MMUT: variants seen among roughly 807,000 people sequenced by gnomAD.
The protein encoded by MMUT is methylmalonyl-CoA mutase, mitochondrial.
MMUT carries 79 observed loss-of-function variants against 79.9 expected under a neutral mutation model. The observed-to-expected ratio is 0.99, with a 90% CI of 0.82 to 1.19. The LOEUF is 1.19. Ranked by LOEUF, MMUT falls within the 50% of genes most tolerant of loss-of-function variation. The pLI, the probability that MMUT is intolerant of heterozygous loss-of-function variation, is 0.00. For missense variants in MMUT, 860 were observed against 917.2 expected, an observed-to-expected ratio of 0.94 and a Z score of 0.81; for synonymous variants, 273 against 295.7, an observed-to-expected ratio of 0.92 and a Z score of 0.79.
chr6:49,432,637 T>C (rs113140761), intron 12 of MMUT, among the ~76,000 whole-genome samples: 1 of 152,174 alleles, frequency 6.6e-6, no homozygotes, highest in African/African-American at 2.4e-5. Context: ...TCCGCCCACC[T>C]TGGCCTCCCA....
At chr6:49,435,304 C>T (rs1332426693) in intron 12 of MMUT, 152 bp downstream of exon 12, 1 of 786,318 alleles carries the variant, frequency 1.3e-6, no homozygotes, top group East Asian at 2.7e-5. Context: ...CAAAACAACA[C>T]TGTCCACTTT....
chr6:49,452,158 TG>T (rs1767571341), intron 5 of MMUT, among the ~76,000 whole-genome samples: 1 of 152,190 alleles, frequency 6.6e-6, no homozygotes, highest in African/African-American at 2.4e-5. Flanking sequence ...ATCAGAAATT[TG>T]AGTTCTAGTT....
chr6:49,442,200 C>G (rs1288212835), intron 9 of MMUT, among the ~76,000 whole-genome samples: 1 of 151,936 alleles, frequency 6.6e-6, no homozygotes, highest in Non-Finnish European at 1.5e-5. Context: ...ATTTGTCAAC[C>G]AAGAAATGAC....
intron 6 of MMUT, among the ~76,000 whole-genome samples, chr6:49,449,478 G>A (rs1374953739): frequency 6.7e-6 from 1 of 149,266 alleles, no homozygotes; most frequent in East Asian, 2.0e-4. Flanking sequence ...TTCTACGTAA[G>A]TGTAAAATGA....
At chr6:49,432,613 T>A (rs62411929) in intron 12 of MMUT, among the ~76,000 whole-genome samples, 1 of 151,934 alleles carries the variant, frequency 6.6e-6, no homozygotes, top group Non-Finnish European at 1.5e-5. Context: ...GGTCTCAATC[T>A]CCTGACCTCG....
At chr6:49,434,126 C>G (rs1440695724) in intron 12 of MMUT, among the ~76,000 whole-genome samples, 1 of 151,916 alleles carries the variant, frequency 6.6e-6, no homozygotes, top group Admixed American at 6.6e-5. Context: ...ATTTTAATAT[C>G]ATGCCTAGGT....
In MMUT at chr6:49,462,873, G is replaced by C. The variant is rs533546976; in HGVS notation, c.-40+230C>G. On this transcript the variant is annotated intron_variant, in intron 1 of 12. Coordinates refer to ENST00000274813, the MANE Select transcript of MMUT (RefSeq NM_000255.4). ...AAGTATTAAAAGCACCTTCTTTCCA[G>C]AAGTACCTCCGAATTGCCAGGGACT... 2.6e-5 allele frequency among the ~76,000 whole-genome samples: 4 copies of C among 152,294 alleles called. No individual in the cohort carries two copies. In the East Asian group the frequency reaches 7.7e-4, roughly 29 times the overall value.
chr6:49,447,900 T>C, intron 7 of MMUT, 115 bp from the exon 8 acceptor site: 1 of 673,790 alleles, frequency 1.5e-6, no homozygotes, highest in South Asian at 1.7e-5. Context: ...TCTTAATTCT[T>C]AATGCAACTT....
At chr6:49,461,873 A>G (rs541303900) in intron 1 of MMUT, among the ~76,000 whole-genome samples, 3 of 152,294 alleles carry the variant, frequency 2.0e-5, no homozygotes, top group East Asian at 1.9e-4. Context: ...CATCCACTAC[A>G]TTTACTAGCT....
intron 12 of MMUT, 64 bp from the exon 13 acceptor site, chr6:49,431,920 T>C: frequency 1.3e-6 from 2 of 1,553,606 alleles, no homozygotes; most frequent in Non-Finnish European, 1.8e-6. Context: ...AATAAAACCC[T>C]ATCCTTTCTT....
intron 11 of MMUT, among the ~76,000 whole-genome samples, chr6:49,436,760 A>C (rs1228464450): frequency 6.6e-6 from 1 of 152,222 alleles, no homozygotes; most frequent in Non-Finnish European, 1.5e-5. Flanking sequence ...AGCCAGAAAA[A>C]AAGAATGAGA....
intron 11 of MMUT, among the ~76,000 whole-genome samples, chr6:49,435,917 T>C (rs1581818611): frequency 1.3e-5 from 2 of 152,224 alleles, no homozygotes; most frequent in Non-Finnish European, 2.9e-5. Flanking sequence ...CCTGCATCTA[T>C]AAAAAACTTA....
intron 11 of MMUT, among the ~76,000 whole-genome samples, chr6:49,439,154 G>A (rs1441473885): frequency 6.6e-6 from 1 of 152,114 alleles, no homozygotes; most frequent in Admixed American, 6.6e-5. Context: ...TTTGATGATG[G>A]AATGCTGCTG....
rs1418497908 is a variant in MMUT at position 49,441,706 on chromosome 6, T to C, written c.1808+134A>G. The C allele has an allele frequency of 2.0e-5, 8 of 390,832 alleles. No individual in the cohort carries two copies. In the East Asian group the frequency reaches 5.0e-4, roughly 24 times the overall value. The allele number at this position is 390,832 out of a possible 1,614,324, so 24.2% of individuals were successfully genotyped here. On this transcript the variant is annotated intron_variant, in intron 10 of 12. Coordinates refer to ENST00000274813, the MANE Select transcript of MMUT (RefSeq NM_000255.4). ...TTATATAGTCTATATAATTAATATTTAATTTACTATTTATTATTATAAAAT... is the reference window on the plus strand; with the variant it reads ...TTATATAGTCTATATAATTAATATTCAATTTACTATTTATTATTATAAAAT...
chr6:49,459,432 G>C lies in MMUT; in HGVS notation c.35C>G (p.Ser12Ter), dbSNP rs775177090. 1 of 1,613,218 alleles carries C rather than the reference G, an allele frequency of 6.2e-7. No homozygotes were observed. Among genetic ancestry groups the C allele is most frequent in the African/African-American group, 1.3e-5 (1 of 74,962 alleles). The change falls in exon 2 of 13, where the codon TCA becomes TGA. Residue 12 changes from serine to a stop codon, truncating the protein, a stop_gained. Coordinates refer to ENST00000274813, the MANE Select transcript of MMUT (RefSeq NM_000255.4). LOFTEE classifies it high-confidence loss of function. ...TTTTACCTGCCTCAGGTAATGAGGT[G>C]AAAGTAAAAAAAGCTGATTCTTAGC... ...LRAKNQLFLLSPHYLRQVKES... is the reference protein window; with the variant it reads ...LRAKNQLFLL
chr6:49,434,708 C>T (rs924881423), intron 12 of MMUT, among the ~76,000 whole-genome samples: 6 of 152,082 alleles, frequency 3.9e-5, no homozygotes, highest in Admixed American at 3.9e-4. Context: ...GTCTCCCTAC[C>T]TCATTAATAA....
chr6:49,455,737 AAAT>A (rs1350474441), intron 4 of MMUT, among the ~76,000 whole-genome samples: 5 of 152,354 alleles, frequency 3.3e-5, no homozygotes, highest in African/African-American at 9.6e-5. Flanking sequence ...ACAGAAAAAA[AAAT>A]AATAATAGAT....
Position 49,430,684 on chromosome 6 carries a change from ATAAT to A in MMUT, c.*1040_*1043del, listed in dbSNP as rs1369391542. ...ATACAATAGAAATTTATTAAAAAAGATAATTATTTATGTTATATTCATGTAATGG... is the reference window on the plus strand; with the variant it reads ...ATACAATAGAAATTTATTAAAAAAGATATTTATGTTATATTCATGTAATGG... On this transcript the variant is annotated 3_prime_UTR_variant, in exon 13 of 13. Coordinates refer to ENST00000274813, the MANE Select transcript of MMUT (RefSeq NM_000255.4). 3.3e-5 allele frequency: 5 copies of A among 152,324 alleles called. No homozygotes were observed. The highest frequency in any genetic ancestry group is 1.3e-4 in the Admixed American group (2 of 15,300). 9.4% of individuals were successfully genotyped at this position (152,324 alleles called of 1,614,324 possible). A position where few individuals can be genotyped will look rare whatever the true frequency, so the allele number is the denominator to read the frequency against.
intron 11 of MMUT, among the ~76,000 whole-genome samples, chr6:49,439,203 C>T (rs557146788): frequency 2.0e-5 from 3 of 152,140 alleles, no homozygotes; most frequent in Non-Finnish European, 4.4e-5. Flanking sequence ...TCAGAAAGCA[C>T]CCAGTTCATG....
Sources: gnomAD v4.1 joint callset for allele counts (sites outside exome capture counted in the v4.1 genomes callset) on GRCh38, gnomAD v4.1.1 for gene constraint, MANE v1.5 for transcripts, NCBI Gene and HGNC (gene_info 2026-07-23, HGNC 2026-07-21) for gene names.